The following CMYA5 variants were observed in gnomAD, a reference collection of about 807,000 sequenced individuals.
CMYA5 encodes cardiomyopathy associated 5, also known as cardiomyopathy-associated protein 5.
In CMYA5, 246 loss-of-function variants were observed where a neutral mutation model predicts 318.9. The observed-to-expected ratio is 0.77, with a 90% CI of 0.70 to 0.86. The LOEUF is 0.86. Among genes scored for constraint, CMYA5 ranks in the 40% least tolerant of loss-of-function variants. CMYA5 has a pLI of 0.00. For missense variants in CMYA5, 4,589 were observed against 4,678.2 expected, an observed-to-expected ratio of 0.98 and a Z score of 0.56; for synonymous variants, 1,641 against 1,729.5, an observed-to-expected ratio of 0.95 and a Z score of 1.27.
In CMYA5 at chr5:79,763,219, C is replaced by A. The variant is rs753467379; in HGVS notation, c.11555+10C>A. ...AGGGAGAGGGCCTCAGGTGAGGGGC[C>A]CTCTCCATGGGAGAGACTGCCCAGA... is the stretch of plus-strand genomic sequence containing the variant. On this transcript the variant is annotated intron_variant, in intron 9 of 12. Transcript: ENST00000446378. The A allele has an allele frequency of 1.8e-5, 29 of 1,588,820 alleles. No individual in the cohort carries two copies. The highest frequency in any genetic ancestry group is 2.5e-5 in the Non-Finnish European group (29 of 1,169,538).
At chr5:79,714,881 C>T (rs1245189872) in intron 1 of CMYA5, among the ~76,000 whole-genome samples, 3 of 152,092 alleles carry the variant, frequency 2.0e-5, no homozygotes, top group African/African-American at 7.2e-5. Context: ...ATTCCCATTG[C>T]TTTGCATATT....
Position 79,734,577 on chromosome 5 carries a change from C to A in CMYA5, c.5812C>A (p.His1938Asn). ...QLKAAVSSKD[H>N]TCEVRKQVLP... is the part of the protein sequence containing the mutation. ...CAAGGCTGCTGTGTCCAGTAAGGAC[C>A]ATACATGTGAAGTGAGAAAGCAGGT... The change falls in exon 2 of 13, where the codon CAT (histidine) becomes AAT (asparagine). Residue 1938 changes from histidine to asparagine, a missense_variant. His to Asn is a moderately conservative substitution (Grantham distance 68). Transcript: ENST00000446378. 6.2e-7 allele frequency: 1 copy of A among 1,613,854 alleles called. No individual in the cohort carries two copies. Among genetic ancestry groups the A allele is most frequent in the Non-Finnish European group, 8.5e-7 (1 of 1,179,840 alleles).
In CMYA5 at chr5:79,793,609, A is replaced by C. The variant is rs752357518; in HGVS notation, c.11962A>C (p.Arg3988=). The C allele has an allele frequency of 6.3e-7, 1 of 1,590,238 alleles. No homozygotes were observed. Among genetic ancestry groups the C allele is most frequent in the Non-Finnish European group, 8.6e-7 (1 of 1,160,902 alleles). Residue 3988 remains arginine, a splice_region_variant and synonymous_variant, in exon 12 of 13, where the codon AGA becomes CGA. Transcript: ENST00000446378. ...GTACATGCACTGCTCTGAGCCACAG[A>C]GGTAAGCGAGCCCTTCCCCTCCCCT... ...SWYMHCSEPQ[R]YTFFYSGIVS...
Position 79,758,573 on chromosome 5 carries a change from T to C in CMYA5, c.11111-180T>C, listed in dbSNP as rs971239506. On this transcript the variant is annotated intron_variant, in intron 6 of 12. Transcript: ENST00000446378. ...AATTAAATTAAAGTTAAAATTAAAATAAAATAAAAAATAAAAAAATATAAT... is the reference window on the plus strand; with the variant it reads ...AATTAAATTAAAGTTAAAATTAAAACAAAATAAAAAATAAAAAAATATAAT... 8.6e-5 allele frequency among the ~76,000 whole-genome samples: 13 copies of C among 151,330 alleles called. No individual in the cohort carries two copies. In the East Asian group the frequency reaches 2.5e-3, roughly 29 times the overall value.
chr5:79,769,867 G>A (rs988983671), intron 9 of CMYA5, among the ~76,000 whole-genome samples: 6 of 152,208 alleles, frequency 3.9e-5, no homozygotes, highest in Non-Finnish European at 8.8e-5. Flanking sequence ...GAGCTGGCAG[G>A]CTGGAACGTT....
In CMYA5 at chr5:79,735,492, C is replaced by A; in HGVS notation, c.6727C>A (p.Leu2243Ile). 6.2e-7 allele frequency: 1 copy of A among 1,613,720 alleles called. No homozygotes were observed. Among genetic ancestry groups the A allele is most frequent in the South Asian group, 1.1e-5 (1 of 91,020 alleles). Residue 2243 changes from leucine (L) to isoleucine (I), a missense_variant, in exon 2 of 13, where the codon CTT becomes ATT. Leu to Ile is a conservative substitution (Grantham distance 5). Around this residue, in one of 3 missense-constraint regions of CMYA5, gnomAD observed 2,431 missense variants for 2,495.1 expected, o/e 0.97. Coordinates refer to ENST00000446378, the MANE Select transcript of CMYA5 (RefSeq NM_153610.5). Reference protein sequence around the residue: ...PADHSLSEVKLKTADEPRGTL... With the variant: ...PADHSLSEVKIKTADEPRGTL... ...TGATCATTCATTATCAGAGGTAAAA[C>A]TTAAAACTGCTGATGAACCCAGAGG...
At chr5:79,692,102 T>C (rs900320414) in intron 1 of CMYA5, among the ~76,000 whole-genome samples, 2 of 152,080 alleles carry the variant, frequency 1.3e-5, no homozygotes, top group Admixed American at 1.3e-4. Context: ...GGAGAGAGAA[T>C]AGATTGTAAG....
chr5:79,698,604 G>A (rs1405035313), intron 1 of CMYA5, among the ~76,000 whole-genome samples: 1 of 152,114 alleles, frequency 6.6e-6, no homozygotes, highest in Admixed American at 6.5e-5. Flanking sequence ...CACTCTTCAG[G>A]TTTTGGTGCA....
Position 79,791,070 on chromosome 5 carries a change from G to A in CMYA5, c.11789+1G>A, listed in dbSNP as rs1580809178. The A allele has an allele frequency of 1.2e-6, 2 of 1,609,064 alleles. No individual in the cohort carries two copies. The highest frequency in any genetic ancestry group is 2.7e-5 in the African/African-American group (2 of 75,000). ...TTGGTGAGAGGAGACGGCTGACGGA[G>A]TAAGTAGAAGAAGAAAGCACAAGTG... On this transcript the variant is annotated splice_donor_variant, in intron 11 of 12. Coordinates refer to ENST00000446378, the MANE Select transcript of CMYA5 (RefSeq NM_153610.5). LOFTEE classifies it high-confidence loss of function.
At chr5:79,798,709 T>C (rs1343551505) in intron 12 of CMYA5, among the ~76,000 whole-genome samples, 1 of 152,092 alleles carries the variant, frequency 6.6e-6, no homozygotes, top group African/African-American at 2.4e-5. Flanking sequence ...GAGTGCCTAG[T>C]AAAGTGCTGG....
chr5:79,794,218 C>T (rs1316760961), intron 12 of CMYA5, among the ~76,000 whole-genome samples: 1 of 152,222 alleles, frequency 6.6e-6, no homozygotes, highest in Non-Finnish European at 1.5e-5. Context: ...TGCAGAAACA[C>T]AGTCATGCTC....
chr5:79,742,408 A>G (rs1184009438), intron 2 of CMYA5, among the ~76,000 whole-genome samples: 1 of 152,146 alleles, frequency 6.6e-6, no homozygotes, highest in Non-Finnish European at 1.5e-5. Context: ...TCTGGTCTCG[A>G]AGTCCTGGCT....
intron 1 of CMYA5, among the ~76,000 whole-genome samples, chr5:79,699,542 A>G (rs1664267292): frequency 6.6e-6 from 1 of 152,182 alleles, no homozygotes; most frequent in African/African-American, 2.4e-5. Context: ...TTCCTGAGAG[A>G]AGAGGACACT....
At chr5:79,709,601 T>C (rs1454308406) in intron 1 of CMYA5, among the ~76,000 whole-genome samples, 2 of 152,088 alleles carry the variant, frequency 1.3e-5, no homozygotes, top group Non-Finnish European at 1.5e-5. Context: ...TTTTTTTTTT[T>C]CAGAGTCCAC....
intron 1 of CMYA5, among the ~76,000 whole-genome samples, chr5:79,693,958 A>G (rs1183750241): frequency 6.6e-6 from 1 of 152,234 alleles, no homozygotes; most frequent in African/African-American, 2.4e-5. Flanking sequence ...TGATGAGGTG[A>G]CATTTGAGCA....
rs927998636 is a variant in CMYA5, at chr5:79,729,184, A to G, written c.419A>G (p.His140Arg). 1.1e-5 allele frequency: 17 copies of G among 1,613,046 alleles called. No homozygotes were observed. The highest frequency in any genetic ancestry group is 1.4e-5 in the Non-Finnish European group (17 of 1,179,686). The change falls in exon 2 of 13, where the codon CAT becomes CGT. Residue 140 changes from histidine to arginine, a missense_variant. Around this residue, in one of 3 missense-constraint regions of CMYA5, gnomAD observed 2,132 missense variants for 2,131.3 expected, o/e 1.00. Transcript: ENST00000446378. The part of the protein sequence containing the change: ...KVRKRTHKSK[H>R]GSPSLRRKGN... ...CGGAAAAGGACTCATAAGTCAAAGCATGGTTCACCATCATTACGCCGGAAA... is the reference window on the plus strand; with the variant it reads ...CGGAAAAGGACTCATAAGTCAAAGCGTGGTTCACCATCATTACGCCGGAAA...
chr5:79,695,367 A>G (rs913343324), intron 1 of CMYA5, among the ~76,000 whole-genome samples: 2 of 152,260 alleles, frequency 1.3e-5, no homozygotes, highest in African/African-American at 4.8e-5. Flanking sequence ...TAATCACTTA[A>G]CCCAATATCC....
intron 9 of CMYA5, among the ~76,000 whole-genome samples, chr5:79,785,139 C>G (rs1044649415): frequency 6.6e-6 from 1 of 151,834 alleles, no homozygotes; most frequent in Non-Finnish European, 1.5e-5. Flanking sequence ...TGGGTCTATT[C>G]CTGACCTTTA....
intron 6 of CMYA5, among the ~76,000 whole-genome samples, chr5:79,757,508 A>G (rs770936889): frequency 6.6e-6 from 1 of 152,202 alleles, no homozygotes; most frequent in Non-Finnish European, 1.5e-5. Context: ...TAATTTTTAA[A>G]AAGTTAGTAA....
Sources: allele counts gnomAD v4.1 joint callset (sites outside exome capture counted in the v4.1 genomes callset), GRCh38; gene constraint gnomAD v4.1.1; regional missense constraint gnomAD v4.1.1; transcripts MANE v1.5; gene names NCBI Gene and HGNC (gene_info 2026-07-23, HGNC 2026-07-21).